MOCOS: variants seen among roughly 807,000 people sequenced by gnomAD.
The protein encoded by MOCOS is molybdenum cofactor sulfurase, also known as human molybdenum cofactor sulfurase.
MOCOS carries 86 observed loss-of-function variants against 83.6 expected under a neutral mutation model. That is an observed-to-expected ratio of 1.03 (90% CI 0.86 to 1.23). The LOEUF (loss-of-function observed/expected upper bound fraction) is 1.23. Among genes scored for constraint, MOCOS ranks in the 50% most tolerant of loss-of-function variants. MOCOS has a pLI of 0.00. For synonymous variants in MOCOS, 445 were observed against 434.7 expected, an observed-to-expected ratio of 1.02 and a Z score of -0.29; for missense variants, 1,120 against 1,126.9, an observed-to-expected ratio of 0.99 and a Z score of 0.09.
At chr18:36,230,396 A>G (rs568724584) in intron 9 of MOCOS, among the ~76,000 whole-genome samples, 1 of 152,194 alleles carries the variant, frequency 6.6e-6, no homozygotes, top group African/African-American at 2.4e-5. Flanking sequence ...GTGTCTATGC[A>G]TTAGACAAAG....
chr18:36,218,147 T>C (rs1275209923), intron 8 of MOCOS, among the ~76,000 whole-genome samples: 3 of 152,182 alleles, frequency 2.0e-5, no homozygotes, highest in Non-Finnish European at 4.4e-5. Flanking sequence ...ACACCTCTTA[T>C]ACAGGTCAGC....
At chr18:36,228,578 G>A (rs1426083413) in intron 9 of MOCOS, among the ~76,000 whole-genome samples, 2 of 152,050 alleles carry the variant, frequency 1.3e-5, no homozygotes, top group Admixed American at 6.6e-5. Context: ...ACCAACATAG[G>A]AACAGAAAAC....
At position 36,248,969 on chromosome 18, in the gene MOCOS, C is replaced by T; in HGVS notation, c.2008C>T (p.Gln670Ter). The T allele has an allele frequency of 6.2e-7, 1 of 1,614,128 alleles. No individual in the cohort carries two copies. Residue 670 changes from glutamine to a stop codon, truncating the protein, a stop_gained, in exon 10 of 15, where the codon CAG becomes TAG. Coordinates refer to ENST00000261326, the MANE Select transcript of MOCOS (RefSeq NM_017947.4). LOFTEE classifies it high-confidence loss of function. Reference sequence around the variant, plus strand: ...TCTTGAGGAAAATAGTGAACGGACTCAGATTCGCCAAAGCAGGGTCTGTGC... The same window carrying T: ...TCTTGAGGAAAATAGTGAACGGACTTAGATTCGCCAAAGCAGGGTCTGTGC... The part of the protein sequence containing the change: ...VPLEENSERT[Q>*]IRQSRVCADR...
At chr18:36,233,692 G>A (rs1418024740) in intron 9 of MOCOS, among the ~76,000 whole-genome samples, 1 of 152,094 alleles carries the variant, frequency 6.6e-6, no homozygotes, top group Admixed American at 6.6e-5. Flanking sequence ...ATCTATGCCA[G>A]CATCGATTAT....
At chr18:36,241,472 AG>A (rs1027809931) in intron 9 of MOCOS, among the ~76,000 whole-genome samples, 2 of 152,208 alleles carry the variant, frequency 1.3e-5, no homozygotes, top group Non-Finnish European at 2.9e-5. Context: ...CTGATGCAAG[AG>A]GTGGGCTCCC....
At chr18:36,259,211 G>A (rs2091653326) in intron 12 of MOCOS, among the ~76,000 whole-genome samples, 1 of 152,134 alleles carries the variant, frequency 6.6e-6, no homozygotes, top group African/African-American at 2.4e-5. Context: ...GAGAGGCTGA[G>A]GTGGGAGGAT....
At chr18:36,219,912 G>GT (rs2091489760) in intron 8 of MOCOS, 143 bp from the exon 9 acceptor site, 2 of 1,083,976 alleles carry the variant, frequency 1.8e-6, no homozygotes, top group Non-Finnish European at 2.8e-6. Context: ...CTCTGTTTTA[G>GT]TTTCTTCTCT....
chr18:36,204,023 A>AT (rs570069817), intron 5 of MOCOS, among the ~76,000 whole-genome samples: 3 of 152,230 alleles, frequency 2.0e-5, no homozygotes, highest in African/African-American at 4.8e-5. Context: ...GCAAACCCTG[A>AT]TTTTTTTCCT....
intron 3 of MOCOS, among the ~76,000 whole-genome samples, chr18:36,198,981 G>C (rs550539198): frequency 1.3e-5 from 2 of 152,316 alleles, no homozygotes; most frequent in African/African-American, 4.8e-5. Context: ...GTGGCTCTGA[G>C]GTGCACACAG....
In MOCOS at chr18:36,195,332, T is replaced by C. The variant is rs116981654; in HGVS notation, c.218T>C (p.Met73Thr). ...SQLESFTSDL[M>T]ENTYGNPHSQ... ...CTCGAAAGCTTCACTAGTGATCTCA[T>C]GGAAAACACTTATGGTAAAGAAAAA... The change falls in exon 2 of 15, where the codon ATG becomes ACG. Residue 73 changes from methionine (M) to threonine (T), a missense_variant. Physicochemically the swap from Met to Thr is moderately conservative, Grantham distance 81. Transcript: ENST00000261326. 1,430 of 1,613,984 alleles carry C rather than the reference T, an allele frequency of 8.9e-4. 1 individual carries two copies. The highest frequency in any genetic ancestry group is 9.4e-4 in the Non-Finnish European group (1,113 of 1,179,832).
chr18:36,247,947 C>A (rs2091608467), intron 9 of MOCOS, among the ~76,000 whole-genome samples: 1 of 152,168 alleles, frequency 6.6e-6, no homozygotes, highest in Admixed American at 6.5e-5. Flanking sequence ...TCTGATTTTC[C>A]TTTCCTTTGG....
At position 36,270,138 on chromosome 18, in the gene MOCOS, G is replaced by A. The variant is rs1420021444; in HGVS notation, c.*1453G>A. The A allele has an allele frequency of 2.6e-5, 4 of 152,318 alleles. No individual in the cohort carries two copies. The highest frequency in any genetic ancestry group is 9.6e-5 in the African/African-American group (4 of 41,564). 9.4% of individuals were successfully genotyped at this position (152,318 alleles called of 1,614,324 possible). On this transcript the variant is annotated 3_prime_UTR_variant, in exon 15 of 15. Transcript: ENST00000261326. ...ATCACCGAAAGAAGAGGCAAATGAA[G>A]TTAGGTGGGGTGGGGTGGGGTTTAT...
At chr18:36,249,111 C>T in intron 10 of MOCOS, 111 bp downstream of exon 10, 1 of 937,892 alleles carries the variant, frequency 1.1e-6, no homozygotes, top group East Asian at 2.6e-5. Flanking sequence ...AGTCCAGTTG[C>T]TGTCCATTTC....
chr18:36,247,519 T>TA (rs1459703387), intron 9 of MOCOS, among the ~76,000 whole-genome samples: 1 of 152,132 alleles, frequency 6.6e-6, no homozygotes, highest in African/African-American at 2.4e-5. Flanking sequence ...CCCTGTGAGA[T>TA]AAGTCCAGGA....
At chr18:36,254,692 C>T (rs2091635516) in intron 11 of MOCOS, among the ~76,000 whole-genome samples, 1 of 151,214 alleles carries the variant, frequency 6.6e-6, no homozygotes, top group Non-Finnish European at 1.5e-5. Flanking sequence ...CTTGTATTTC[C>T]TTTCCATGCC....
intron 12 of MOCOS, among the ~76,000 whole-genome samples, chr18:36,257,767 G>C (rs1026660625): frequency 2.1e-4 from 32 of 152,204 alleles, no homozygotes; most frequent in African/African-American, 7.5e-4. Flanking sequence ...ACAGGCCAGA[G>C]ATGAGTGTTG....
At chr18:36,218,297 A>G (rs12051922) in intron 8 of MOCOS, among the ~76,000 whole-genome samples, 59,722 of 151,164 alleles carry the variant, frequency 0.4, 12,780 homozygotes, top group South Asian at 0.59. Context: ...AATTTTTTCC[A>G]TCAGCAGACT....
At position 36,237,306 on chromosome 18, in the gene MOCOS, C is replaced by CA. The variant is rs1399455141; in HGVS notation, c.1961-11615dup. On this transcript the variant is annotated intron_variant, in intron 9 of 14. Coordinates refer to ENST00000261326, the MANE Select transcript of MOCOS (RefSeq NM_017947.4). ...GCTCTTATTATTTTGAAATATGTCC[C>CA]ATCAATACCTAATTTATTGAGAGTT... 2.0e-5 allele frequency among the ~76,000 whole-genome samples: 3 copies of CA among 151,396 alleles called. No homozygotes were observed. The East Asian group carries it at 5.8e-4, about 29-fold the overall frequency.
intron 13 of MOCOS, among the ~76,000 whole-genome samples, chr18:36,261,381 A>C (rs963564829): frequency 3.9e-5 from 6 of 152,186 alleles, no homozygotes; most frequent in Admixed American, 1.3e-4. Flanking sequence ...CAAAATTAAA[A>C]AAAAAATCTC....
Sources: allele counts gnomAD v4.1 joint callset (sites outside exome capture counted in the v4.1 genomes callset), GRCh38; gene constraint gnomAD v4.1.1; transcripts MANE v1.5; gene names NCBI Gene and HGNC (gene_info 2026-07-23, HGNC 2026-07-21).